Variants in XKR4 observed in about 807,000 individuals in gnomAD.
XKR4 encodes XK related 4.
XKR4 carries 12 observed loss-of-function variants against 53.9 expected under a neutral mutation model. That is an observed-to-expected ratio of 0.22 (90% CI 0.14 to 0.36). The LOEUF is 0.36. Among genes scored for constraint, XKR4 ranks in the 10% least tolerant of loss-of-function variants. The pLI is 1.00. For synonymous variants in XKR4, 354 were observed against 362.4 expected (o/e 0.98, Z 0.26); for missense variants, 799 against 859.5 (o/e 0.93, Z 0.88).
intron 2 of XKR4, among the ~76,000 whole-genome samples, chr8:55,411,421 T>C (rs946583504): frequency 6.6e-6 from 1 of 152,232 alleles, no homozygotes; most frequent in African/African-American, 2.4e-5. Flanking sequence ...ATCATTGTTA[T>C]TATTCCTCAA....
rs1803772445 is a variant in XKR4, at chr8:55,354,614, TA to T, written c.807-3061del. Among the ~76,000 whole-genome samples, 12 of 152,036 alleles carry T rather than the reference TA, an allele frequency of 7.9e-5. No homozygotes were observed. In the South Asian group the frequency reaches 2.5e-3, roughly 32 times the overall value. On this transcript the variant is annotated intron_variant, in intron 1 of 2. Coordinates refer to ENST00000327381, the MANE Select transcript of XKR4 (RefSeq NM_052898.2). ...CATCCCTCCTAAAAGTATAGGAAAC[TA>T]AATTAACTTTTAAAACTTAGCAACA...
chr8:55,356,434 G>A (rs1803797447), intron 1 of XKR4, among the ~76,000 whole-genome samples: 1 of 152,026 alleles, frequency 6.6e-6, no homozygotes, highest in South Asian at 2.1e-4. Context: ...AATTTAAAAG[G>A]ACATGGAAGG....
Position 55,103,851 on chromosome 8 carries a change from G to GTGTGTATATA in XKR4, c.806+558_806+559insGTGTATATAT, listed in dbSNP as rs1187141027. Among the ~76,000 whole-genome samples the GTGTGTATATA allele has an allele frequency of 7.5e-5, 8 of 106,008 alleles. No homozygotes were observed. In the East Asian group the frequency reaches 1.2e-3, roughly 16 times the overall value. 69.5% of individuals were successfully genotyped at this position (106,008 alleles called of 152,430 possible). ...AAGATCCTAATAGGCAAATGACTTT[G>GTGTGTATATA]TATATATATATATATATATATATAT... On this transcript the variant is annotated intron_variant, in intron 1 of 2. Transcript: ENST00000327381.
At chr8:55,379,340 T>A (rs1350150489) in intron 2 of XKR4, among the ~76,000 whole-genome samples, 1 of 152,080 alleles carries the variant, frequency 6.6e-6, no homozygotes, top group Non-Finnish European at 1.5e-5. Flanking sequence ...ATTACCAAAT[T>A]TACCAAATTA....
At chr8:55,288,172 C>T (rs937554014) in intron 1 of XKR4, among the ~76,000 whole-genome samples, 5 of 152,124 alleles carry the variant, frequency 3.3e-5, no homozygotes, top group African/African-American at 9.7e-5. Context: ...TATGGGGAAG[C>T]GTATCAGTTT....
chr8:55,319,986 T>C (rs1381849393), intron 1 of XKR4, among the ~76,000 whole-genome samples: 4 of 152,200 alleles, frequency 2.6e-5, no homozygotes, highest in African/African-American at 9.7e-5. Context: ...GTTATGTCTT[T>C]CTCTCCCAGT....
intron 1 of XKR4, among the ~76,000 whole-genome samples, chr8:55,323,158 A>G (rs1214739988): frequency 6.6e-6 from 1 of 152,218 alleles, no homozygotes; most frequent in Non-Finnish European, 1.5e-5. Flanking sequence ...AGATGAGTAT[A>G]TAATTTTGCT....
At position 55,302,661 on chromosome 8, in the gene XKR4, T is replaced by C. The variant is rs567868126; in HGVS notation, c.807-55017T>C. ...TGTTCTTCCATTTGTTTGTATCCTC[T>C]TTTATTTCCTTGAGCAGTGGTTTGT... On this transcript the variant is annotated intron_variant, in intron 1 of 2. Coordinates refer to ENST00000327381, the MANE Select transcript of XKR4 (RefSeq NM_052898.2). Among the ~76,000 whole-genome samples, 138 of 152,284 alleles carry C rather than the reference T, an allele frequency of 9.1e-4. 1 individual carries two copies. The highest frequency in any genetic ancestry group is 3.2e-3 in the African/African-American group (135 of 41,560).
chr8:55,519,781 A>G (rs1049530606), intron 2 of XKR4, among the ~76,000 whole-genome samples: 2 of 152,324 alleles, frequency 1.3e-5, no homozygotes, highest in Non-Finnish European at 2.9e-5. Context: ...GCCCCTATTC[A>G]TAGGAAATAA....
At chr8:55,182,619 T>A (rs986711324) in intron 1 of XKR4, among the ~76,000 whole-genome samples, 1 of 152,214 alleles carries the variant, frequency 6.6e-6, no homozygotes, top group Admixed American at 6.5e-5. Context: ...TGTGCACATC[T>A]ATTTTTGGGA....
intron 1 of XKR4, among the ~76,000 whole-genome samples, chr8:55,109,551 G>A (rs1202612668): frequency 1.3e-5 from 2 of 151,988 alleles, no homozygotes; most frequent in South Asian, 4.1e-4. Context: ...ACAGCTCCTT[G>A]TGCATTTACC....
chr8:55,341,833 C>T (rs1003713270), intron 1 of XKR4, among the ~76,000 whole-genome samples: 30 of 152,006 alleles, frequency 2.0e-4, no homozygotes, highest in African/African-American at 7.3e-4. Flanking sequence ...TGTATTTAAG[C>T]ATGGTGCCTT....
chr8:55,495,328 C>T (rs1446985386), intron 2 of XKR4, among the ~76,000 whole-genome samples: 1 of 152,048 alleles, frequency 6.6e-6, no homozygotes, highest in Non-Finnish European at 1.5e-5. Flanking sequence ...GGGTCTGGAG[C>T]TGCAGCAGAG....
chr8:55,410,915 C>T (rs2129391172), intron 2 of XKR4, among the ~76,000 whole-genome samples: 1 of 152,270 alleles, frequency 6.6e-6, no homozygotes, highest in South Asian at 2.1e-4. Context: ...ATGCTGCTCC[C>T]CACCCTTCCC....
chr8:55,204,342 A>G lies in XKR4; in HGVS notation c.806+101048A>G, dbSNP rs139809237. Among the ~76,000 whole-genome samples, 209 of 152,340 alleles carry G rather than the reference A, an allele frequency of 1.4e-3. No homozygotes were observed. In the East Asian group the frequency reaches 0.034, roughly 25 times the overall value. ...AAAATGGAATTAAATGGAATGGACC[A>G]AACTTTATGTCGCCATTTAGCCACC... On this transcript the variant is annotated intron_variant, in intron 1 of 2. Transcript: ENST00000327381.
intron 1 of XKR4, among the ~76,000 whole-genome samples, chr8:55,351,838 T>A (rs1803727995): frequency 6.6e-6 from 1 of 152,212 alleles, no homozygotes. Flanking sequence ...CCAACTTTGT[T>A]AAAATGCAAG....
intron 1 of XKR4, among the ~76,000 whole-genome samples, chr8:55,209,631 G>A (rs1011096762): frequency 4.6e-5 from 7 of 152,176 alleles, no homozygotes; most frequent in Non-Finnish European, 8.8e-5. Flanking sequence ...TTTCTCAGGA[G>A]GTCCCATTGT....
At chr8:55,303,724 G>T (rs533084774) in intron 1 of XKR4, among the ~76,000 whole-genome samples, 8,403 of 152,172 alleles carry the variant, frequency 0.055, 308 homozygotes, top group African/African-American at 0.1. Flanking sequence ...GTTTAGTCTT[G>T]GGAGGGTGTA....
intron 2 of XKR4, among the ~76,000 whole-genome samples, chr8:55,442,395 G>A (rs1475074724): frequency 2.0e-5 from 3 of 152,152 alleles, no homozygotes; most frequent in Non-Finnish European, 2.9e-5. Flanking sequence ...GTGTCACCTG[G>A]TGCAGTTGTT....
Sources: allele counts gnomAD v4.1 joint callset (sites outside exome capture counted in the v4.1 genomes callset), GRCh38; gene constraint gnomAD v4.1.1; transcripts MANE v1.5; gene names NCBI Gene and HGNC (gene_info 2026-07-23, HGNC 2026-07-21).